Variants in SMC1B observed in about 807,000 individuals in gnomAD.
SMC1B encodes structural maintenance of chromosomes 1B.
Under a neutral mutation model 157.9 loss-of-function variants are expected in SMC1B, and 60 were observed. The ratio of observed to expected loss-of-function variants is 0.38; its 90% confidence interval spans 0.31 to 0.47. The LOEUF is 0.47. Among genes scored for constraint, SMC1B ranks in the 20% least tolerant of loss-of-function variants. The pLI is 0.99. For synonymous variants in SMC1B, 445 were observed against 483.0 expected (o/e 0.92, Z 1.03); for missense variants, 1,165 against 1,426.2 (o/e 0.82, Z 2.95).
At chr22:45,383,647 T>C in intron 11 of SMC1B, 34 bp from the exon 12 acceptor site, 1 of 1,550,258 alleles carries the variant, frequency 6.5e-7, no homozygotes, top group Non-Finnish European at 8.7e-7. Flanking sequence ...CCTGGAGAAA[T>C]GTACATAAAG....
intron 21 of SMC1B, among the ~76,000 whole-genome samples, chr22:45,353,426 C>T (rs1050127340): frequency 6.6e-6 from 1 of 152,070 alleles, no homozygotes; most frequent in African/African-American, 2.4e-5. Flanking sequence ...AGAGCAGGTA[C>T]ATAAGTCCCG....
rs2086626276 is a variant in SMC1B at position 45,352,582 on chromosome 22, G to C, written c.3294C>G (p.Asn1098Lys). 1 of 1,611,518 alleles carries C rather than the reference G, an allele frequency of 6.2e-7. No individual in the cohort carries two copies. Reference sequence around the variant, plus strand: ...TTCCCTCCAAGTAAGGTTCTTCAGGGTTCTCTGGGCTAAGAAATGCCTGAA... The same window carrying C: ...TTCCCTCCAAGTAAGGTTCTTCAGGCTTCTCTGGGCTAAGAAATGCCTGAA... Reference protein sequence around the residue: ...NSAQAFLSPENPEEPYLEGIS... With the variant: ...NSAQAFLSPEKPEEPYLEGIS... The change falls in exon 22 of 25, where the codon AAC (asparagine) becomes AAG (lysine). Residue 1098 changes from asparagine (N) to lysine (K), a missense_variant. Physicochemically the swap from Asn to Lys is moderately conservative, Grantham distance 94 (BLOSUM62 0). Transcript: ENST00000357450.
chr22:45,376,006 G>A (rs1486668743), intron 12 of SMC1B, among the ~76,000 whole-genome samples: 1 of 152,106 alleles, frequency 6.6e-6, no homozygotes, highest in Admixed American at 6.5e-5. Context: ...GGTCCCAGAG[G>A]TTATTTTTGG....
chr22:45,361,815 T>A (rs913242137), intron 17 of SMC1B, 24 bp downstream of exon 17: 1 of 1,607,926 alleles, frequency 6.2e-7, no homozygotes, highest in Non-Finnish European at 8.5e-7. Flanking sequence ...ACTAGGTCTT[T>A]CAAACTGATG....
chr22:45,386,761 G>C, intron 11 of SMC1B, 106 bp downstream of exon 11: 1 of 993,166 alleles, frequency 1.0e-6, no homozygotes, highest in South Asian at 2.2e-5. Context: ...TTAGAAAAAA[G>C]AACACATAAA....
intron 12 of SMC1B, 87 bp downstream of exon 12, chr22:45,383,380 T>C (rs2086956878): frequency 2.2e-6 from 2 of 894,008 alleles, no homozygotes; most frequent in South Asian, 2.6e-5. Flanking sequence ...AACTATAGAA[T>C]TGGCACTGTT....
chr22:45,404,018 T>A (rs186436967), intron 4 of SMC1B, among the ~76,000 whole-genome samples: 71 of 152,212 alleles, frequency 4.7e-4, no homozygotes, highest in Admixed American at 1.1e-3. Flanking sequence ...CTCGGCTCAC[T>A]GCAACCTCTG....
chr22:45,348,876 A>T (rs1046370242), intron 23 of SMC1B, among the ~76,000 whole-genome samples: 5 of 151,370 alleles, frequency 3.3e-5, no homozygotes, highest in South Asian at 2.1e-4. Flanking sequence ...TTATTTTTTT[A>T]AATTTTTTGT....
intron 5 of SMC1B, 88 bp downstream of exon 5, chr22:45,402,245 A>T: frequency 1.1e-6 from 1 of 944,102 alleles, no homozygotes; most frequent in Non-Finnish European, 1.6e-6. Context: ...GCTTATTTTT[A>T]AAATCAATTT....
At chr22:45,374,526 G>C (rs2086866767) in intron 12 of SMC1B, among the ~76,000 whole-genome samples, 1 of 152,148 alleles carries the variant, frequency 6.6e-6, no homozygotes. Flanking sequence ...GTCTAGTCTT[G>C]CCTAATGTTT....
rs776387992 is a variant in SMC1B, at chr22:45,413,495, G to T, written c.73C>A (p.Arg25=). 3.1e-6 allele frequency: 5 copies of T among 1,610,418 alleles called. No individual in the cohort carries two copies. Among genetic ancestry groups the T allele is most frequent in the Admixed American group, 3.4e-5 (2 of 59,620 alleles). ...GGGCCGATGATGCAGGTGAACCTCC[G>T]GAAGGGGCCAATGACCTGGCGGCCC... ...WRGRQVIGPF[R]RFTCIIGPNG... is the part of the protein sequence containing the mutation. Residue 25 remains arginine (R), a synonymous_variant, in exon 1 of 25, where the codon CGG becomes AGG. Transcript: ENST00000357450.
chr22:45,367,939 C>G (rs1298990492), intron 15 of SMC1B, among the ~76,000 whole-genome samples: 3 of 152,166 alleles, frequency 2.0e-5, no homozygotes, highest in Non-Finnish European at 4.4e-5. Context: ...ATGGTTTTCT[C>G]TGGGAAGCAG....
In SMC1B at chr22:45,366,851, T is replaced by G. The variant is rs185860498; in HGVS notation, c.2420+3103A>C. On this transcript the variant is annotated intron_variant, in intron 15 of 24. Transcript: ENST00000357450. Reference sequence around the variant, plus strand: ...TTCTTCATTCCTTTCATTCTTTTTTTCTCTTCTGTCTTTTCCTGTAGCCTA... The same window carrying G: ...TTCTTCATTCCTTTCATTCTTTTTTGCTCTTCTGTCTTTTCCTGTAGCCTA... 3.1e-3 allele frequency among the ~76,000 whole-genome samples: 467 copies of G among 152,354 alleles called. 1 individual carries two copies. Among genetic ancestry groups the G allele is most frequent in the Non-Finnish European group, 5.2e-3 (352 of 68,030 alleles).
intron 9 of SMC1B, among the ~76,000 whole-genome samples, chr22:45,391,494 G>T (rs965911640): frequency 1.3e-5 from 2 of 152,008 alleles, no homozygotes; most frequent in African/African-American, 4.8e-5. Context: ...TCTCTTTGTT[G>T]TTATTATATG....
chr22:45,402,389 C>G lies in SMC1B; in HGVS notation c.798G>C (p.Arg266Ser). Residue 266 changes from arginine (R) to serine (S), a missense_variant, in exon 5 of 25, where the codon AGG (arginine) becomes AGC (serine). Physicochemically the swap from Arg to Ser is moderately radical, Grantham distance 110. Transcript: ENST00000357450. ...TAGTTAGCATTCCATGTTCCTTTTT[C>G]CTGGCTTTAACTATGTTTTCATGAT... ...LSHHENIVKA[R>S]KKEHGMLTRQ... 6.2e-7 allele frequency: 1 copy of G among 1,613,366 alleles called. No homozygotes were observed. Among genetic ancestry groups the G allele is most frequent in the Non-Finnish European group, 8.5e-7 (1 of 1,179,808 alleles).
At chr22:45,355,400 C>T (rs1361464218) in intron 19 of SMC1B, among the ~76,000 whole-genome samples, 1 of 152,170 alleles carries the variant, frequency 6.6e-6, no homozygotes, top group Non-Finnish European at 1.5e-5. Flanking sequence ...TCATAATCTA[C>T]TATGTATTAC....
intron 21 of SMC1B, 98 bp downstream of exon 21, chr22:45,353,879 TG>T: frequency 1.1e-6 from 1 of 875,232 alleles, no homozygotes. Flanking sequence ...AATGTGGCAG[TG>T]GTTATTTCCC....
chr22:45,404,788 G>T (rs2087239595), intron 4 of SMC1B, among the ~76,000 whole-genome samples: 1 of 152,128 alleles, frequency 6.6e-6, no homozygotes, highest in South Asian at 2.1e-4. Flanking sequence ...ATAAAACCTA[G>T]CTGTGGCCCA....
chr22:45,351,899 G>T (rs1365856098), intron 22 of SMC1B, among the ~76,000 whole-genome samples: 2 of 152,180 alleles, frequency 1.3e-5, no homozygotes, highest in East Asian at 3.8e-4. Flanking sequence ...GAAATAAGGA[G>T]ATTAAATACT....
Sources: allele counts gnomAD v4.1 joint callset (sites outside exome capture counted in the v4.1 genomes callset), GRCh38; gene constraint gnomAD v4.1.1; transcripts MANE v1.5; gene names NCBI Gene and HGNC (gene_info 2026-07-23, HGNC 2026-07-21).